PLCB4: variants seen among roughly 807,000 people sequenced by gnomAD.
PLCB4 encodes the protein 1-phosphatidylinositol 4,5-bisphosphate phosphodiesterase beta-4.
PLCB4 carries 77 observed loss-of-function variants against 178.8 expected under a neutral mutation model. That is an observed-to-expected ratio of 0.43 (90% CI 0.36 to 0.52). The LOEUF (loss-of-function observed/expected upper bound fraction) is 0.52, where lower values mean the gene tolerates loss of function less well. Among genes scored for constraint, PLCB4 ranks in the 20% least tolerant of loss-of-function variants. The pLI is 0.00. For missense variants in PLCB4, 1,024 were observed against 1,453.4 expected (o/e 0.70, Z 4.80); for synonymous variants, 496 against 490.8 (o/e 1.01, Z -0.14).
intron 19 of PLCB4, among the ~76,000 whole-genome samples, chr20:9,399,475 A>G (rs2038866054): frequency 6.6e-6 from 1 of 152,224 alleles, no homozygotes; most frequent in Admixed American, 6.5e-5. Flanking sequence ...GCAAGGGGAA[A>G]CCAAGCATAG....
intron 7 of PLCB4, among the ~76,000 whole-genome samples, chr20:9,347,561 A>G (rs1419530867): frequency 6.6e-6 from 1 of 152,138 alleles, no homozygotes. Context: ...ATCCAGGAAT[A>G]TTTTTTTGAT....
chr20:9,382,858 C>A (rs78713465), intron 13 of PLCB4, among the ~76,000 whole-genome samples: 2,741 of 152,278 alleles, frequency 0.018, 82 homozygotes, highest in African/African-American at 0.06. Flanking sequence ...CTGCATCTAT[C>A]CTGGTGCCTC....
chr20:9,167,983 A>G (rs556482887), intron 2 of PLCB4, among the ~76,000 whole-genome samples: 3 of 152,316 alleles, frequency 2.0e-5, no homozygotes, highest in East Asian at 1.9e-4. Flanking sequence ...TTCTATGGCA[A>G]TTTTTAAGGG....
At chr20:9,397,329 C>T (rs1376635662) in intron 19 of PLCB4, among the ~76,000 whole-genome samples, 1 of 152,238 alleles carries the variant, frequency 6.6e-6, no homozygotes, top group East Asian at 1.9e-4. Flanking sequence ...AGTTCTCTTA[C>T]TCTTTCTACC....
chr20:9,366,831 C>G (rs1434179264), intron 9 of PLCB4, among the ~76,000 whole-genome samples: 1 of 152,250 alleles, frequency 6.6e-6, no homozygotes, highest in Non-Finnish European at 1.5e-5. Flanking sequence ...GACTCAGGTT[C>G]ATGTTCACTT....
chr20:9,430,147 A>G (rs1279527110), intron 28 of PLCB4, among the ~76,000 whole-genome samples: 2 of 152,234 alleles, frequency 1.3e-5, no homozygotes, highest in Non-Finnish European at 2.9e-5. Context: ...AAGTTTACAA[A>G]TTCGTGTTGG....
chr20:9,439,941 GC>G (rs2042009042), intron 30 of PLCB4, among the ~76,000 whole-genome samples: 1 of 152,176 alleles, frequency 6.6e-6, no homozygotes, highest in South Asian at 2.1e-4. Context: ...TGTCTGGGTG[GC>G]TTTTCTGGTT....
intron 2 of PLCB4, among the ~76,000 whole-genome samples, chr20:9,172,140 T>C (rs770802906): frequency 1.3e-5 from 2 of 152,226 alleles, no homozygotes; most frequent in Non-Finnish European, 2.9e-5. Context: ...AAATTGTTTT[T>C]CTGAAATAAT....
At chr20:9,081,592 A>G (rs1029970649) in intron 1 of PLCB4, among the ~76,000 whole-genome samples, 2 of 152,072 alleles carry the variant, frequency 1.3e-5, no homozygotes, top group African/African-American at 4.8e-5. Context: ...GCCCTACTTT[A>G]GTCCTCCTGT....
rs1382867440 is a variant in PLCB4, at chr20:9,338,362, A to G, written c.225+295A>G. The stretch of plus-strand genomic sequence containing the variant: ...CTCCAATAACTACAATCAAAACTCT[A>G]AACAAAGACCCTCATATCTAGTTTC... On this transcript the variant is annotated intron_variant, in intron 6 of 39. Coordinates refer to ENST00000378473, the MANE Select transcript of PLCB4 (RefSeq NM_001377142.1). 2.9e-4 allele frequency among the ~76,000 whole-genome samples: 44 copies of G among 152,068 alleles called. 1 individual carries two copies. The highest frequency in any genetic ancestry group is 2.9e-5 in the Non-Finnish European group (2 of 68,002).
intron 3 of PLCB4, among the ~76,000 whole-genome samples, chr20:9,244,155 C>T (rs2094099145): frequency 6.6e-6 from 1 of 152,106 alleles, no homozygotes; most frequent in Admixed American, 6.6e-5. Flanking sequence ...GGTCGTATTG[C>T]TGCATCCTAA....
At chr20:9,287,255 T>C (rs1173178970) in intron 3 of PLCB4, among the ~76,000 whole-genome samples, 3 of 152,132 alleles carry the variant, frequency 2.0e-5, no homozygotes, top group East Asian at 3.9e-4. Context: ...TACCAGGCAT[T>C]TCTCTGTTTA....
At chr20:9,476,123 G>A (rs2044525543) in intron 38 of PLCB4, among the ~76,000 whole-genome samples, 1 of 152,198 alleles carries the variant, frequency 6.6e-6, no homozygotes, top group Non-Finnish European at 1.5e-5. Flanking sequence ...AGCTAAACCA[G>A]TGTTGGGGGC....
intron 2 of PLCB4, among the ~76,000 whole-genome samples, chr20:9,156,089 A>G: frequency 6.6e-6 from 1 of 152,316 alleles, no homozygotes. Flanking sequence ...TTAAAAAATT[A>G]TGATGGTCAC....
chr20:9,147,117 G>A (rs1015482758), intron 2 of PLCB4, among the ~76,000 whole-genome samples: 7 of 152,154 alleles, frequency 4.6e-5, no homozygotes, highest in Non-Finnish European at 1.0e-4. Context: ...CAGAATTGGG[G>A]TCTAAGGCTA....
intron 1 of PLCB4, among the ~76,000 whole-genome samples, chr20:9,089,313 A>T (rs1344551139): frequency 6.6e-6 from 1 of 152,050 alleles, no homozygotes; most frequent in East Asian, 1.9e-4. Flanking sequence ...ATATCTCAGT[A>T]GTGTCTAAGA....
chr20:9,112,920 G>A (rs772142114), intron 2 of PLCB4, among the ~76,000 whole-genome samples: 10 of 151,686 alleles, frequency 6.6e-5, no homozygotes, highest in Admixed American at 4.6e-4. Flanking sequence ...AAATTGGTAC[G>A]TATAAAATTT....
chr20:9,104,841 A>G (rs1337702054), intron 2 of PLCB4, among the ~76,000 whole-genome samples: 2 of 152,028 alleles, frequency 1.3e-5, no homozygotes, highest in African/African-American at 2.4e-5. Flanking sequence ...CTTCTGTAGT[A>G]TGTCTTTCTG....
chr20:9,124,322 A>G (rs1431649048), intron 2 of PLCB4, among the ~76,000 whole-genome samples: 1 of 152,114 alleles, frequency 6.6e-6, no homozygotes, highest in Non-Finnish European at 1.5e-5. Context: ...CCTGGGCAAA[A>G]ATAAAATAAA....
Sources: allele counts gnomAD v4.1 joint callset (sites outside exome capture counted in the v4.1 genomes callset), GRCh38; gene constraint gnomAD v4.1.1; transcripts MANE v1.5; gene names NCBI Gene and HGNC (gene_info 2026-07-23, HGNC 2026-07-21).